CD163L1: variants seen among roughly 807,000 people sequenced by gnomAD.
CD163L1 encodes the protein scavenger receptor cysteine-rich type 1 protein M160.
In CD163L1, 124 loss-of-function variants were observed where a neutral mutation model predicts 165.4. The ratio of observed to expected loss-of-function variants is 0.75; its 90% CI spans 0.65 to 0.87. CD163L1 has a LOEUF of 0.87. Among genes scored for constraint, CD163L1 ranks in the 40% least tolerant of loss-of-function variants. The probability of loss-of-function intolerance (pLI) is 0.00; values close to 1 mark genes in which losing one functional copy is unlikely to be tolerated. For missense variants in CD163L1, 1,525 were observed against 1,799.9 expected (o/e 0.85, Z 2.76); for synonymous variants, 585 against 662.2 (o/e 0.88, Z 1.79).
Position 7,441,384 on chromosome 12 carries a change from A to G in CD163L1, c.32-138T>C, listed in dbSNP as rs1379539586. ...CCACCTGTCAAGGATACCGCACAAG[A>G]AAGTCCTTTTCCCAGGAAAAGCCAC... On this transcript the variant is annotated intron_variant, in intron 1 of 19. Transcript: ENST00000313599. 6.3e-6 allele frequency: 4 copies of G among 631,378 alleles called. No individual in the cohort carries two copies. In the East Asian group the frequency reaches 1.1e-4, roughly 18 times the overall value. The allele number at this position is 631,378 out of a possible 1,614,324, so 39.1% of individuals were successfully genotyped here.
intron 11 of CD163L1, 117 bp from the exon 12 acceptor site, chr12:7,375,040 G>A (rs182775744): frequency 1.3e-5 from 13 of 1,002,706 alleles, no homozygotes; most frequent in Admixed American, 4.2e-5. Context: ...AAACCCTGTC[G>A]TCTATTGAAA....
chr12:7,368,769 T>G lies in CD163L1; in HGVS notation c.4072+164A>C. On this transcript the variant is annotated intron_variant, in intron 16 of 19. Transcript: ENST00000313599. The surrounding 1 kb of genome is among the most constrained non-coding windows in gnomAD (Gnocchi z 4.3). ...GATTTTTCTAGAGAGAAGGACTGCA[T>G]AGCAAAGCAGTCACAGAGCTATTGA... is the stretch of plus-strand genomic sequence containing the variant. 1 of 714,916 alleles carries G rather than the reference T, an allele frequency of 1.4e-6. No individual in the cohort carries two copies. Among genetic ancestry groups the G allele is most frequent in the Non-Finnish European group, 2.4e-6 (1 of 411,426 alleles). 44.3% of individuals were successfully genotyped at this position (714,916 alleles called of 1,614,324 possible). A position where few individuals can be genotyped will look rare whatever the true frequency, so the allele number is the denominator to read the frequency against.
intron 4 of CD163L1, among the ~76,000 whole-genome samples, chr12:7,423,635 G>C (rs1948482935): frequency 6.6e-6 from 1 of 152,050 alleles, no homozygotes; most frequent in Non-Finnish European, 1.5e-5. Context: ...AATAAAAAAT[G>C]ATAAAGGGGA....
At chr12:7,327,597 A>ATG in the CD163L1 span, among the ~76,000 whole-genome samples, 1 of 152,200 alleles carries the variant, frequency 6.6e-6, no homozygotes, top group Non-Finnish European at 1.5e-5. Flanking sequence ...ATACATGAAG[A>ATG]TGGCCCTGTA....
At position 7,400,561 on chromosome 12, in the gene CD163L1, G is replaced by T. The variant is rs1947896862; in HGVS notation, c.1409-1977C>A. On this transcript the variant is annotated intron_variant, in intron 6 of 19. Coordinates refer to ENST00000313599, the MANE Select transcript of CD163L1 (RefSeq NM_174941.6). This position sits in a 1 kb window ranked among gnomAD's most constrained non-coding sequence, Gnocchi z 4.1. ...TTGCTATGTTGCCCAGGCTGGAGTG[G>T]AGTGGCTATTTACAGGTGCAATCAT... Among the ~76,000 whole-genome samples, 1 of 151,994 alleles carries T rather than the reference G, an allele frequency of 6.6e-6. No individual in the cohort carries two copies. Among genetic ancestry groups the T allele is most frequent in the Admixed American group, 6.6e-5 (1 of 15,250 alleles).
At chr12:7,439,344 G>A in intron 2 of CD163L1, 1 of 1,589,392 alleles carries the variant, frequency 6.3e-7, no homozygotes, top group Non-Finnish European at 8.6e-7. Context: ...ATCTTTTTTG[G>A]GCTTTTTGGA....
chr12:7,355,993 T>G lies in CD163L1; in HGVS notation c.*25-863A>C, dbSNP rs776252729. Among the ~76,000 whole-genome samples, 39 of 152,260 alleles carry G rather than the reference T, an allele frequency of 2.6e-4. No homozygotes were observed. In the South Asian group the frequency reaches 8.1e-3, roughly 31 times the overall value. ...AAAACTAATACACTAAGCACAATAA[T>G]AACTGCTGAGGGAAAATCTTTTCTA... On this transcript the variant is annotated intron_variant, in intron 19 of 19. Coordinates refer to ENST00000313599, the MANE Select transcript of CD163L1 (RefSeq NM_174941.6).
At chr12:7,339,894 G>C in the CD163L1 span, among the ~76,000 whole-genome samples, 1 of 152,150 alleles carries the variant, frequency 6.6e-6, no homozygotes, top group South Asian at 2.1e-4. Flanking sequence ...TTTTGTGATA[G>C]GATAAGGGCA....
chr12:7,387,661 C>T (rs1947548001), intron 8 of CD163L1, among the ~76,000 whole-genome samples: 1 of 152,166 alleles, frequency 6.6e-6, no homozygotes, highest in South Asian at 2.1e-4. Flanking sequence ...TGCCATGCTA[C>T]CTGAGGACCT....
At chr12:7,409,216 T>C (rs1948085305) in intron 4 of CD163L1, among the ~76,000 whole-genome samples, 1 of 152,190 alleles carries the variant, frequency 6.6e-6, no homozygotes, top group South Asian at 2.1e-4. Flanking sequence ...TTTGTAAATA[T>C]ATTTAAGTGT....
the CD163L1 span, among the ~76,000 whole-genome samples, chr12:7,322,148 C>T: frequency 1.3e-5 from 2 of 152,284 alleles, no homozygotes; most frequent in East Asian, 3.9e-4. Flanking sequence ...AGCATCTTCT[C>T]CTGCCTTTTT....
intron 18 of CD163L1, among the ~76,000 whole-genome samples, chr12:7,363,776 C>T (rs1459135064): frequency 3.4e-5 from 3 of 87,518 alleles, no homozygotes; most frequent in Non-Finnish European, 6.8e-5. Context: ...AGATCAAAGC[C>T]ATAATAATAA....
chr12:7,344,795 C>T (rs1439148393), downstream of CD163L1, among the ~76,000 whole-genome samples: 1 of 152,260 alleles, frequency 6.6e-6, no homozygotes, highest in Non-Finnish European at 1.5e-5. Flanking sequence ...CTTAAAACCA[C>T]ATGGAAGGCA....
At chr12:7,422,505 C>T (rs1014546669) in intron 4 of CD163L1, among the ~76,000 whole-genome samples, 1 of 151,804 alleles carries the variant, frequency 6.6e-6, no homozygotes, top group African/African-American at 2.4e-5. Context: ...GCTAAAGGAA[C>T]ATGTTCTAAC....
At chr12:7,338,536 C>A in the CD163L1 span, among the ~76,000 whole-genome samples, 1 of 152,120 alleles carries the variant, frequency 6.6e-6, no homozygotes, top group Non-Finnish European at 1.5e-5. Context: ...GTAAGATTGG[C>A]TCTAGGGCTG....
the CD163L1 span, among the ~76,000 whole-genome samples, chr12:7,320,143 T>A: frequency 1.3e-5 from 2 of 152,310 alleles, no homozygotes; most frequent in South Asian, 4.1e-4. Context: ...GGAGGAGCTC[T>A]AAAACATTAG....
chr12:7,364,879 T>G (rs1946980171), intron 18 of CD163L1, among the ~76,000 whole-genome samples: 1 of 152,110 alleles, frequency 6.6e-6, no homozygotes, highest in Non-Finnish European at 1.5e-5. Flanking sequence ...CAACGCAATC[T>G]CTTTGAAAAC....
intron 4 of CD163L1, among the ~76,000 whole-genome samples, chr12:7,407,765 A>G (rs1948056227): frequency 6.7e-6 from 1 of 149,238 alleles, no homozygotes; most frequent in South Asian, 2.1e-4. Context: ...ATGTGTATAT[A>G]TACACACACA....
chr12:7,416,235 G>A (rs970968317), intron 4 of CD163L1, among the ~76,000 whole-genome samples: 4 of 152,176 alleles, frequency 2.6e-5, no homozygotes, highest in African/African-American at 9.7e-5. Flanking sequence ...TTTGAGAAGT[G>A]TCTGTTCATA....
Sources: allele counts gnomAD v4.1 joint callset (sites outside exome capture counted in the v4.1 genomes callset), GRCh38; gene constraint gnomAD v4.1.1; non-coding constraint Gnocchi (gnomAD v3.1); transcripts MANE v1.5; gene names NCBI Gene and HGNC (gene_info 2026-07-23, HGNC 2026-07-21).